The following MAST2 variants were observed in gnomAD, a reference collection of about 807,000 sequenced individuals.
The protein encoded by MAST2 is microtubule-associated serine/threonine-protein kinase 2.
Under a neutral mutation model 147.4 loss-of-function variants are expected in MAST2, and 70 were observed. The ratio of observed to expected loss-of-function variants is 0.47; its 90% CI spans 0.39 to 0.58. MAST2 has a LOEUF of 0.58. Among genes scored for constraint, MAST2 ranks in the 20% least tolerant of loss-of-function variants. MAST2 has a pLI of 0.00. For synonymous variants in MAST2, 869 were observed against 896.8 expected (o/e 0.97, Z 0.55); for missense variants, 2,080 against 2,302.3 (o/e 0.90, Z 1.98).
In MAST2 at chr1:45,975,688, A is replaced by AC. The variant is rs1408081581; in HGVS notation, c.592+16211_592+16212insC. ...CAAGACTCTGTCTCAAAAAAAAAAAAAAAACACAGACCATAAAAAAGTACA... is the reference window on the plus strand; with the variant it reads ...CAAGACTCTGTCTCAAAAAAAAAAAACAAAACACAGACCATAAAAAAGTACA... On this transcript the variant is annotated intron_variant, in intron 5 of 28. Coordinates refer to ENST00000361297, the MANE Select transcript of MAST2 (RefSeq NM_015112.3). Among the ~76,000 whole-genome samples, 167 of 149,732 alleles carry AC rather than the reference A, an allele frequency of 1.1e-3. 2 individuals are homozygous for AC. The highest frequency in any genetic ancestry group is 6.3e-3 in the East Asian group (32 of 5,090).
At chr1:45,905,658 C>G (rs1398151980) in intron 4 of MAST2, among the ~76,000 whole-genome samples, 3 of 152,046 alleles carry the variant, frequency 2.0e-5, no homozygotes, top group Non-Finnish European at 4.4e-5. Flanking sequence ...CACCTGCAGT[C>G]CCAGCTACTT....
rs746915549 is a variant in MAST2, at chr1:46,031,012, G to A, written c.2714G>A (p.Arg905Gln). 1.6e-5 allele frequency: 26 copies of A among 1,613,178 alleles called. No individual in the cohort carries two copies. In the Admixed American group the frequency reaches 1.7e-4, roughly 10 times the overall value. The part of the protein sequence containing the change: ...SWVIGSPEIL[R>Q]KRLSVSESSH... ...CCAGGCCTTGTGTCTCATAGATTACGGAAGCGGCTGTCGGTGTCTGAGTCA... is the reference window on the plus strand; with the variant it reads ...CCAGGCCTTGTGTCTCATAGATTACAGAAGCGGCTGTCGGTGTCTGAGTCA... Residue 905 changes from arginine (R) to glutamine (Q), a missense_variant, in exon 23 of 29, where the codon CGG becomes CAG. Around this residue, in one of 4 missense-constraint regions of MAST2, gnomAD observed 1,278 missense variants for 1,304.2 expected, o/e 0.98. Transcript: ENST00000361297. The surrounding 1 kb of genome is among the most constrained non-coding windows in gnomAD (Gnocchi z 4.1).
chr1:45,953,500 T>A (rs535111417), intron 4 of MAST2, among the ~76,000 whole-genome samples: 1 of 152,332 alleles, frequency 6.6e-6, no homozygotes, highest in Admixed American at 6.5e-5. Flanking sequence ...GTTTATGTAG[T>A]ATGTTAGAAG....
chr1:46,028,903 C>A lies in MAST2; in HGVS notation c.2188C>A (p.Pro730Thr). 1 of 1,606,778 alleles carries A rather than the reference C, an allele frequency of 6.2e-7. No homozygotes were observed. The highest frequency in any genetic ancestry group is 8.5e-7 in the Non-Finnish European group (1 of 1,176,726). ...CTGCGTCCCTTTTTTTGGAGATACT[C>A]CGGAGGAGCTCTTTGGGCAGGTGAT... ...VGCVPFFGDT[P>T]EELFGQVISD... The change falls in exon 18 of 29, where the codon CCG (proline) becomes ACG (threonine). Residue 730 changes from proline (P) to threonine (T), a missense_variant. Around this residue, in one of 4 missense-constraint regions of MAST2, gnomAD observed 209 missense variants for 309.5 expected, o/e 0.68. Transcript: ENST00000361297.
At chr1:45,923,216 C>G (rs1653814501) in intron 4 of MAST2, among the ~76,000 whole-genome samples, 1 of 152,136 alleles carries the variant, frequency 6.6e-6, no homozygotes, top group African/African-American at 2.4e-5. Context: ...GGGTGGGTTC[C>G]CAGGGCAGTG....
chr1:45,979,943 T>C (rs1339251005), intron 5 of MAST2, among the ~76,000 whole-genome samples: 8 of 152,228 alleles, frequency 5.3e-5, no homozygotes, highest in Non-Finnish European at 1.2e-4. Context: ...AAATACTGCA[T>C]GTTCTCCCTT....
chr1:45,885,268 G>A (rs1403443991), intron 4 of MAST2, among the ~76,000 whole-genome samples: 1 of 152,132 alleles, frequency 6.6e-6, no homozygotes, highest in East Asian at 1.9e-4. Flanking sequence ...ATCCTATGGT[G>A]TGCTCATTCC....
In MAST2 at chr1:45,829,336, G is replaced by A. The variant is rs554821474; in HGVS notation, c.326-103G>A. The A allele has an allele frequency of 8.8e-5, 85 of 967,828 alleles. 2 individuals carry two copies. The South Asian group carries it at 1.7e-3, about 20-fold the overall frequency. 60.0% of individuals were successfully genotyped at this position (967,828 alleles called of 1,614,324 possible). On this transcript the variant is annotated intron_variant, in intron 2 of 28. Coordinates refer to ENST00000361297, the MANE Select transcript of MAST2 (RefSeq NM_015112.3). ...AAATGGATGTGAACAATTTTACTTT[G>A]TATCAGTATGGTTTTATCCACTTGA...
intron 5 of MAST2, among the ~76,000 whole-genome samples, chr1:45,982,964 G>C (rs954379209): frequency 2.6e-5 from 4 of 152,206 alleles, no homozygotes; most frequent in Non-Finnish European, 5.9e-5. Context: ...TGGCCAGTTG[G>C]AAAGAATGCT....
Position 46,030,254 on chromosome 1 carries a change from C to T in MAST2, c.2553+16C>T. On this transcript the variant is annotated intron_variant, in intron 21 of 28. Transcript: ENST00000361297. ...GTTCAACAAGGTGTGACTGAGGAGG[C>T]CCAGAATGGGCAGAACAGGCTGGAG... 6.2e-7 allele frequency: 1 copy of T among 1,610,326 alleles called. No homozygotes were observed.
At chr1:45,888,899 C>T (rs963684754) in intron 4 of MAST2, among the ~76,000 whole-genome samples, 3 of 150,226 alleles carry the variant, frequency 2.0e-5, no homozygotes, top group Non-Finnish European at 3.0e-5. Context: ...CCAGGATGGT[C>T]TCAATCTGAC....
chr1:45,917,678 T>A (rs1370285571), intron 4 of MAST2: 1 of 548,546 alleles, frequency 1.8e-6, no homozygotes, highest in Non-Finnish European at 2.9e-6. Context: ...TATCACAGAT[T>A]TCTGTTGTAT....
At chr1:45,969,086 G>GTGT (rs1643781228) in intron 5 of MAST2, among the ~76,000 whole-genome samples, 1 of 151,828 alleles carries the variant, frequency 6.6e-6, no homozygotes, top group Non-Finnish European at 1.5e-5. Flanking sequence ...CTGTTCTTGC[G>GTGT]TGTTGTCTAC....
chr1:45,937,159 C>G (rs1167734330), intron 4 of MAST2, among the ~76,000 whole-genome samples: 1 of 151,448 alleles, frequency 6.6e-6, no homozygotes. Context: ...TGATCCTAAA[C>G]CCCTGGGCTC....
At chr1:45,925,645 T>G (rs1316653017) in intron 4 of MAST2, among the ~76,000 whole-genome samples, 1 of 152,192 alleles carries the variant, frequency 6.6e-6, no homozygotes, top group African/African-American at 2.4e-5. Context: ...TTGAATCAGT[T>G]TTGAATTGCC....
chr1:45,906,244 CAT>C (rs1650705315), intron 4 of MAST2, among the ~76,000 whole-genome samples: 1 of 152,116 alleles, frequency 6.6e-6, no homozygotes, highest in South Asian at 2.1e-4. Context: ...CAACAGACTG[CAT>C]AGACACTGGT....
chr1:45,913,981 A>G, intron 4 of MAST2: 3 of 796,188 alleles, frequency 3.8e-6, no homozygotes, highest in Non-Finnish European at 4.8e-6. Flanking sequence ...TGTTTTGGAG[A>G]TGCCTGTCAG....
intron 5 of MAST2, among the ~76,000 whole-genome samples, chr1:45,981,918 G>A (rs770699929): frequency 1.3e-5 from 2 of 148,924 alleles, no homozygotes; most frequent in Admixed American, 6.8e-5. Flanking sequence ...TCAGCTCACC[G>A]CAACCTCTAC....
intron 4 of MAST2, among the ~76,000 whole-genome samples, chr1:45,913,039 A>T (rs1475813804): frequency 2.0e-5 from 3 of 152,330 alleles, no homozygotes; most frequent in Middle Eastern, 3.4e-3. Context: ...TTAATGGATG[A>T]AATTAAGCTA....
Sources: gnomAD v4.1 joint callset for allele counts (sites outside exome capture counted in the v4.1 genomes callset) on GRCh38, gnomAD v4.1.1 for gene constraint, gnomAD v4.1.1 regional missense constraint, Gnocchi (gnomAD v3.1) non-coding constraint, MANE v1.5 for transcripts, NCBI Gene and HGNC (gene_info 2026-07-23, HGNC 2026-07-21) for gene names.